RGS9: variants seen among roughly 807,000 people sequenced by gnomAD.
RGS9 encodes regulator of G-protein signalling 9.
In RGS9, 78 loss-of-function variants were observed where a neutral mutation model predicts 102.0. The observed-to-expected ratio is 0.76, with a 90% CI of 0.64 to 0.92. RGS9 has a LOEUF of 0.92. Ranked by LOEUF, RGS9 falls within the 40% of genes least tolerant of loss-of-function variation. RGS9 has a pLI of 0.00. For missense variants in RGS9, 833 were observed against 866.1 expected (o/e 0.96, Z 0.48); for synonymous variants, 353 against 318.6 (o/e 1.11, Z -1.15).
At chr17:65,154,582 C>T (rs887594147) in intron 2 of RGS9, among the ~76,000 whole-genome samples, 2 of 152,168 alleles carry the variant, frequency 1.3e-5, no homozygotes, top group African/African-American at 2.4e-5. Context: ...CGTTTACCTT[C>T]TAATTCATTT....
rs377694670 is a variant in RGS9 at position 65,210,519 on chromosome 17, C to T, written c.1321C>T (p.Arg441Cys). 23 of 1,613,652 alleles carry T rather than the reference C, an allele frequency of 1.4e-5. No homozygotes were observed. Among genetic ancestry groups the T allele is most frequent in the East Asian group, 4.5e-5 (2 of 44,890 alleles). ...CCTCCCTTTTATGCGGCGTCACCTG[C>T]GCTCCAGCCCAAGCCCTGTCATCCT... Reference protein sequence around the residue: ...STLPFMRRHLRSSPSPVILRQ... With the variant: ...STLPFMRRHLCSSPSPVILRQ... The change falls in exon 17 of 19, where the codon CGC (arginine) becomes TGC (cysteine). Residue 441 changes from arginine to cysteine, a missense_variant. Around this residue, in one of 3 missense-constraint regions of RGS9, gnomAD observed 185 missense variants for 248.7 expected, o/e 0.74. Coordinates refer to ENST00000262406, the MANE Select transcript of RGS9 (RefSeq NM_003835.4).
At chr17:65,167,835 G>A (rs1289781580) in intron 7 of RGS9, among the ~76,000 whole-genome samples, 3 of 152,084 alleles carry the variant, frequency 2.0e-5, no homozygotes, top group Non-Finnish European at 2.9e-5. Flanking sequence ...TGTCCTGTCC[G>A]GGGGAGTTAG....
intron 17 of RGS9, among the ~76,000 whole-genome samples, chr17:65,214,841 T>C (rs1178451041): frequency 1.3e-5 from 2 of 152,178 alleles, no homozygotes; most frequent in Non-Finnish European, 2.9e-5. Flanking sequence ...AAGGCTGGAA[T>C]GTGGACTCGT....
chr17:65,198,495 A>T (rs538252741), intron 13 of RGS9, among the ~76,000 whole-genome samples: 50 of 152,234 alleles, frequency 3.3e-4, no homozygotes, highest in African/African-American at 1.2e-3. Flanking sequence ...ACCTCTAGTG[A>T]TCCACCTGCC....
intron 17 of RGS9, among the ~76,000 whole-genome samples, chr17:65,220,089 A>G (rs1382338454): frequency 6.6e-6 from 1 of 152,038 alleles, no homozygotes; most frequent in Admixed American, 6.6e-5. Flanking sequence ...CACCATCACC[A>G]TCACCATTAA....
intron 8 of RGS9, among the ~76,000 whole-genome samples, chr17:65,175,404 A>T (rs1911588479): frequency 1.3e-5 from 2 of 152,146 alleles, no homozygotes; most frequent in African/African-American, 4.8e-5. Context: ...TGGCAAAGGC[A>T]CTGACTCTGC....
intron 12 of RGS9, among the ~76,000 whole-genome samples, chr17:65,195,661 T>C (rs1041774269): frequency 3.3e-5 from 5 of 152,190 alleles, no homozygotes; most frequent in African/African-American, 1.2e-4. Flanking sequence ...GCGGGAAGTC[T>C]TGTTCTTAAT....
Position 65,160,272 on chromosome 17 carries a change from A to G in RGS9, c.245A>G (p.Tyr82Cys). The G allele has an allele frequency of 1.2e-6, 2 of 1,614,218 alleles. No individual in the cohort carries two copies. Among genetic ancestry groups the G allele is most frequent in the Non-Finnish European group, 1.7e-6 (2 of 1,180,026 alleles). Reference sequence around the variant, plus strand: ...GGCAACTTTATTGTCAGGTATGGCTACATTTACCCCCTGCAAGACCCCAAG... The same window carrying G: ...GGCAACTTTATTGTCAGGTATGGCTGCATTTACCCCCTGCAAGACCCCAAG... ...NLGNFIVRYGYIYPLQDPKNL... is the reference protein window; with the variant it reads ...NLGNFIVRYGCIYPLQDPKNL... The change falls in exon 4 of 19, where the codon TAC becomes TGC. Residue 82 changes from tyrosine (Y) to cysteine (C), a missense_variant. By Grantham distance (194) the Tyr-to-Cys change is radical. Transcript: ENST00000262406.
At chr17:65,144,479 C>T (rs1435459512) in intron 1 of RGS9, among the ~76,000 whole-genome samples, 1 of 152,230 alleles carries the variant, frequency 6.6e-6, no homozygotes, top group Non-Finnish European at 1.5e-5. Context: ...GTGCAGCTGA[C>T]ACCCTGACCC....
intron 15 of RGS9, among the ~76,000 whole-genome samples, chr17:65,206,294 T>C (rs1913060355): frequency 6.6e-6 from 1 of 152,232 alleles, no homozygotes; most frequent in Non-Finnish European, 1.5e-5. Flanking sequence ...AATCAGTGGC[T>C]GTCTCTTTGT....
At position 65,193,586 on chromosome 17, in the gene RGS9, A is replaced by G. The variant is rs886577461; in HGVS notation, c.790A>G (p.Met264Val). Residue 264 changes from methionine to valine, a missense_variant, in exon 12 of 19, where the codon ATG becomes GTG. Coordinates refer to ENST00000262406, the MANE Select transcript of RGS9 (RefSeq NM_003835.4). ...GCAGTTCTCATCCAACGATGCCATCATGTCAGGCTGCCTCCCCAGCAACCC... is the reference window on the plus strand; with the variant it reads ...GCAGTTCTCATCCAACGATGCCATCGTGTCAGGCTGCCTCCCCAGCAACCC... ...SEQFSSNDAIMSGCLPSNPWI... is the reference protein window; with the variant it reads ...SEQFSSNDAIVSGCLPSNPWI... 2 of 1,614,044 alleles carry G rather than the reference A, an allele frequency of 1.2e-6. No homozygotes were observed. Among genetic ancestry groups the G allele is most frequent in the Non-Finnish European group, 1.7e-6 (2 of 1,179,872 alleles).
At chr17:65,140,563 C>T (rs1415396803) in intron 1 of RGS9, among the ~76,000 whole-genome samples, 1 of 152,162 alleles carries the variant, frequency 6.6e-6, no homozygotes, top group African/African-American at 2.4e-5. Context: ...AGTGATATGG[C>T]AGATTTGCAA....
intron 7 of RGS9, among the ~76,000 whole-genome samples, chr17:65,167,388 G>A (rs1450390041): frequency 6.6e-6 from 1 of 152,076 alleles, no homozygotes; most frequent in Non-Finnish European, 1.5e-5. Flanking sequence ...TTTTGGTAGA[G>A]ACGGGGTTTC....
At chr17:65,195,483 A>G (rs928398444) in intron 12 of RGS9, among the ~76,000 whole-genome samples, 7 of 151,986 alleles carry the variant, frequency 4.6e-5, no homozygotes, top group African/African-American at 1.7e-4. Flanking sequence ...TTGTAAGTAT[A>G]TGTATATATA....
rs181469152 is a variant in RGS9 at position 65,180,936 on chromosome 17, C to T, written c.654+3133C>T. 2.1e-4 allele frequency among the ~76,000 whole-genome samples: 32 copies of T among 152,296 alleles called. No individual in the cohort carries two copies. The East Asian group carries it at 4.8e-3, about 23-fold the overall frequency. Reference sequence around the variant, plus strand: ...TGTTCCTGCGTTAGTTCGCTTAAGACAATGATCTCTAGCTCCATCCATGTT... The same window carrying T: ...TGTTCCTGCGTTAGTTCGCTTAAGATAATGATCTCTAGCTCCATCCATGTT... On this transcript the variant is annotated intron_variant, in intron 9 of 18. Coordinates refer to ENST00000262406, the MANE Select transcript of RGS9 (RefSeq NM_003835.4).
chr17:65,181,489 G>A (rs954918876), intron 9 of RGS9, among the ~76,000 whole-genome samples: 9 of 152,260 alleles, frequency 5.9e-5, no homozygotes, highest in Admixed American at 5.9e-4. Flanking sequence ...CGGGCCCTGG[G>A]TGGCCCACTC....
chr17:65,152,545 A>G (rs1910618193), intron 1 of RGS9, among the ~76,000 whole-genome samples: 1 of 152,148 alleles, frequency 6.6e-6, no homozygotes, highest in Non-Finnish European at 1.5e-5. Context: ...TTCTTTTTTA[A>G]AAAGAGACAG....
At chr17:65,204,972 T>C (rs1389649515) in intron 15 of RGS9, among the ~76,000 whole-genome samples, 1 of 152,108 alleles carries the variant, frequency 6.6e-6, no homozygotes, top group Non-Finnish European at 1.5e-5. Context: ...CTCACCACCC[T>C]GGCCCCAGGC....
chr17:65,149,204 C>A (rs1910488305), intron 1 of RGS9, among the ~76,000 whole-genome samples: 1 of 151,956 alleles, frequency 6.6e-6, no homozygotes, highest in African/African-American at 2.4e-5. Flanking sequence ...GAACTCCTGA[C>A]CTCAAGTGAT....
Sources: gnomAD v4.1 joint callset for allele counts (sites outside exome capture counted in the v4.1 genomes callset) on GRCh38, gnomAD v4.1.1 for gene constraint, gnomAD v4.1.1 regional missense constraint, MANE v1.5 for transcripts, NCBI Gene and HGNC (gene_info 2026-07-23, HGNC 2026-07-21) for gene names.